The following CDH13 variants were observed in gnomAD, a reference collection of about 807,000 sequenced individuals.
CDH13 encodes cadherin-13.
A neutral mutation model predicts 63.8 loss-of-function variants in CDH13; 24 were observed. The ratio of observed to expected loss-of-function variants is 0.38; its 90% CI spans 0.27 to 0.53. The LOEUF is 0.53. CDH13 is among the 20% of genes least tolerant of loss of function. The probability of loss-of-function intolerance (pLI) is 0.85; values close to 1 mark genes in which losing one functional copy is unlikely to be tolerated. For synonymous variants in CDH13, 503 were observed against 355.3 expected, an observed-to-expected ratio of 1.42 and a Z score of -4.67; for missense variants, 1,049 against 903.1, an observed-to-expected ratio of 1.16 and a Z score of -2.07.
chr16:82,689,946 A>T (rs1461864435), intron 1 of CDH13, among the ~76,000 whole-genome samples: 1 of 132,616 alleles, frequency 7.5e-6, no homozygotes, highest in Non-Finnish European at 1.6e-5. Flanking sequence ...GGAGTTCGAC[A>T]CCAGCCTGAC....
chr16:83,366,299 C>A (rs1369687566), intron 6 of CDH13, among the ~76,000 whole-genome samples: 1 of 152,160 alleles, frequency 6.6e-6, no homozygotes, highest in Admixed American at 6.5e-5. Flanking sequence ...ATCTCAGGGA[C>A]ATGTTTAGCA....
intron 2 of CDH13, among the ~76,000 whole-genome samples, chr16:82,931,119 G>A (rs2042476312): frequency 6.6e-6 from 1 of 152,170 alleles, no homozygotes; most frequent in African/African-American, 2.4e-5. Flanking sequence ...GCTGTGATTA[G>A]GTAATTACAT....
chr16:82,761,017 C>G (rs77866338), intron 1 of CDH13, among the ~76,000 whole-genome samples: 1 of 40,452 alleles, frequency 2.5e-5, no homozygotes, highest in African/African-American at 8.9e-5. Context: ...TTCTTTCTTT[C>G]TTTTTTTTTT....
intron 6 of CDH13, among the ~76,000 whole-genome samples, chr16:83,450,719 A>C (rs1280742824): frequency 6.6e-6 from 1 of 152,080 alleles, no homozygotes; most frequent in Non-Finnish European, 1.5e-5. Context: ...AAATATAAAA[A>C]ATTAGCCAGG....
chr16:82,994,929 T>C (rs1912037864), intron 2 of CDH13, among the ~76,000 whole-genome samples: 1 of 152,360 alleles, frequency 6.6e-6, no homozygotes, highest in African/African-American at 2.4e-5. Context: ...GGCAAGTTTC[T>C]GAACTTGATG....
chr16:83,603,713 C>T (rs1427798845), intron 8 of CDH13, among the ~76,000 whole-genome samples: 2 of 152,152 alleles, frequency 1.3e-5, no homozygotes, highest in Admixed American at 6.6e-5. Context: ...ATCCTCTCAA[C>T]CCCCGAGTTC....
chr16:83,265,950 T>C (rs1907567142), intron 5 of CDH13, among the ~76,000 whole-genome samples: 1 of 151,964 alleles, frequency 6.6e-6, no homozygotes. Flanking sequence ...TTTATTTCTG[T>C]TTTTTAGATG....
At chr16:82,925,326 A>G (rs1292199236) in intron 2 of CDH13, among the ~76,000 whole-genome samples, 1 of 152,194 alleles carries the variant, frequency 6.6e-6, no homozygotes, top group Admixed American at 6.5e-5. Context: ...TTGTTACTGC[A>G]GATAATTGCC....
intron 1 of CDH13, among the ~76,000 whole-genome samples, chr16:82,726,431 CTG>C (rs1308574152): frequency 2.0e-5 from 3 of 152,192 alleles, no homozygotes; most frequent in Admixed American, 6.5e-5. Flanking sequence ...GGACCACAAA[CTG>C]TTACTTTCTT....
intron 6 of CDH13, among the ~76,000 whole-genome samples, chr16:83,374,712 A>C (rs1454372743): frequency 2.0e-5 from 3 of 152,190 alleles, no homozygotes; most frequent in African/African-American, 7.2e-5. Flanking sequence ...AAAGCATTAG[A>C]CTATCTCTGG....
chr16:82,989,376 G>T (rs906484371), intron 2 of CDH13, among the ~76,000 whole-genome samples: 1 of 152,180 alleles, frequency 6.6e-6, no homozygotes, highest in Admixed American at 6.5e-5. Flanking sequence ...GACTGTGGAG[G>T]TGCTGTTCTG....
At chr16:83,049,132 G>A (rs555731553) in intron 3 of CDH13, among the ~76,000 whole-genome samples, 22 of 152,070 alleles carry the variant, frequency 1.4e-4, no homozygotes, top group Non-Finnish European at 2.2e-4. Context: ...TTAAGCAAGC[G>A]ATACTTAATT....
chr16:83,355,961 A>T (rs996950227), intron 6 of CDH13, among the ~76,000 whole-genome samples: 4 of 152,170 alleles, frequency 2.6e-5, no homozygotes, highest in Non-Finnish European at 4.4e-5. Context: ...ACGTTTGACA[A>T]TTGAGGAAAC....
At chr16:83,300,473 C>G (rs1474950196) in intron 5 of CDH13, among the ~76,000 whole-genome samples, 1 of 152,218 alleles carries the variant, frequency 6.6e-6, no homozygotes, top group Non-Finnish European at 1.5e-5. Flanking sequence ...AATTTAAAGA[C>G]AAATGAACTG....
rs1237899080 is a variant in CDH13, at chr16:82,715,452, T to C, written c.45+88315T>C. Among the ~76,000 whole-genome samples the C allele has an allele frequency of 5.9e-5, 9 of 152,144 alleles. 1 individual carries two copies. The highest frequency in any genetic ancestry group is 1.3e-4 in the Non-Finnish European group (9 of 68,018). On this transcript the variant is annotated intron_variant, in intron 1 of 13. Transcript: ENST00000567109. ...AAGAGTAGGTTCTGCTTTATTGATCTTGAGACCAGAGCTACGTGCGATGCT... is the reference window on the plus strand; with the variant it reads ...AAGAGTAGGTTCTGCTTTATTGATCCTGAGACCAGAGCTACGTGCGATGCT...
rs370640592 is a variant in CDH13, at chr16:82,817,666, G to T, written c.46-40696G>T. ...TAAAAATACAAAAAAACAGCCAGGT[G>T]TGGTGGTGCACACCTGTAGTCCCAG... On this transcript the variant is annotated intron_variant, in intron 1 of 13. Transcript: ENST00000567109. 2.5e-4 allele frequency among the ~76,000 whole-genome samples: 38 copies of T among 152,162 alleles called. 1 individual carries two copies. The highest frequency in any genetic ancestry group is 2.3e-3 in the East Asian group (12 of 5,150).
chr16:82,629,329 A>G (rs762720952), intron 1 of CDH13, among the ~76,000 whole-genome samples: 2 of 152,200 alleles, frequency 1.3e-5, no homozygotes, highest in East Asian at 1.9e-4. Context: ...TCTATTTTCA[A>G]TTGTTATGCA....
At chr16:83,611,866 T>C (rs1442550430) in intron 8 of CDH13, among the ~76,000 whole-genome samples, 1 of 152,096 alleles carries the variant, frequency 6.6e-6, no homozygotes, top group Admixed American at 6.5e-5. Flanking sequence ...AATTCTACAG[T>C]GGTTAGAAAG....
chr16:82,965,881 G>A (rs1907731365), intron 2 of CDH13, among the ~76,000 whole-genome samples: 1 of 152,198 alleles, frequency 6.6e-6, no homozygotes, highest in Non-Finnish European at 1.5e-5. Flanking sequence ...CACCCATATG[G>A]AGGAGTACTT....
Sources: gnomAD v4.1 joint callset for allele counts (sites outside exome capture counted in the v4.1 genomes callset) on GRCh38, gnomAD v4.1.1 for gene constraint, MANE v1.5 for transcripts, NCBI Gene and HGNC (gene_info 2026-07-23, HGNC 2026-07-21) for gene names.